SEC14L1: variants seen among roughly 807,000 people sequenced by gnomAD.
The protein encoded by SEC14L1 is SEC14-like protein 1.
In SEC14L1, 48 loss-of-function variants were observed where a neutral mutation model predicts 85.3. The ratio of observed to expected loss-of-function variants is 0.56; its 90% confidence interval spans 0.45 to 0.72. SEC14L1 has a LOEUF of 0.72. Among genes scored for constraint, SEC14L1 ranks in the 30% least tolerant of loss-of-function variants. The pLI is 0.00. For missense variants in SEC14L1, 682 were observed against 921.4 expected (o/e 0.74, Z 3.36); for synonymous variants, 391 against 355.5 (o/e 1.10, Z -1.12).
intron 3 of SEC14L1, among the ~76,000 whole-genome samples, chr17:77,181,412 A>G (rs147025111): frequency 7.2e-5 from 11 of 152,256 alleles, no homozygotes; most frequent in African/African-American, 2.6e-4. Context: ...ATATAGTTAT[A>G]CATTTGTTTT....
chr17:77,153,269 G>C (rs982386937), intron 3 of SEC14L1, among the ~76,000 whole-genome samples: 2 of 152,162 alleles, frequency 1.3e-5, no homozygotes, highest in African/African-American at 4.8e-5. Context: ...GTTTCACCAC[G>C]TTGGCCAGGC....
At chr17:77,166,022 C>T (rs575696825) in intron 3 of SEC14L1, among the ~76,000 whole-genome samples, 7 of 152,352 alleles carry the variant, frequency 4.6e-5, no homozygotes, top group South Asian at 2.1e-4. Context: ...GGCCTGACAG[C>T]GGCTTTACTT....
intron 3 of SEC14L1, among the ~76,000 whole-genome samples, chr17:77,165,476 A>T (rs578079277): frequency 6.6e-6 from 1 of 152,260 alleles, no homozygotes; most frequent in East Asian, 1.9e-4. Context: ...CAGGTGGGTG[A>T]GAGAGGCAGC....
At chr17:77,099,618 G>A (rs1242191476) in intron 3 of SEC14L1, among the ~76,000 whole-genome samples, 1 of 152,156 alleles carries the variant, frequency 6.6e-6, no homozygotes, top group African/African-American at 2.4e-5. Flanking sequence ...TTACCCGGGT[G>A]TGGTGGCACA....
At position 77,184,134 on chromosome 17, in the gene SEC14L1, C is replaced by T. The variant is rs538544960; in HGVS notation, c.64-6669C>T. On this transcript the variant is annotated intron_variant, in intron 3 of 16. Coordinates refer to ENST00000436233, the MANE Select transcript of SEC14L1 (RefSeq NM_001143998.2). ...GGTCAGCCATCTTTGTCCTGAGGGC[C>T]GCAGAAGCCTGTGGTGTTTGTGTCT... 3.3e-5 allele frequency among the ~76,000 whole-genome samples: 5 copies of T among 152,084 alleles called. No individual in the cohort carries two copies. In the East Asian group the frequency reaches 5.8e-4, roughly 18 times the overall value.
intron 3 of SEC14L1, among the ~76,000 whole-genome samples, chr17:77,177,506 T>G (rs2143718860): frequency 6.6e-6 from 1 of 151,894 alleles, no homozygotes; most frequent in Non-Finnish European, 1.5e-5. Context: ...GAAGAATACA[T>G]TAAAAGTACT....
chr17:77,117,481 A>G (rs1972200568), intron 3 of SEC14L1, among the ~76,000 whole-genome samples: 1 of 152,254 alleles, frequency 6.6e-6, no homozygotes, highest in Non-Finnish European at 1.5e-5. Context: ...ATAATAAGCT[A>G]TTCTCACAGG....
chr17:77,178,978 C>A (rs569262131), intron 3 of SEC14L1, among the ~76,000 whole-genome samples: 14 of 152,296 alleles, frequency 9.2e-5, no homozygotes, highest in African/African-American at 3.4e-4. Flanking sequence ...GGCACGGATA[C>A]CTTGAAGAGC....
chr17:77,214,361 C>T lies in SEC14L1; in HGVS notation c.*338C>T, dbSNP rs1053106316. The T allele has an allele frequency of 5.1e-5, 54 of 1,066,408 alleles. No individual in the cohort carries two copies. Among genetic ancestry groups the T allele is most frequent in the Non-Finnish European group, 6.0e-5 (53 of 879,052 alleles). The allele number at this position is 1,066,408 out of a possible 1,614,324, so 66.1% of individuals were successfully genotyped here. A position where few individuals can be genotyped will look rare whatever the true frequency, so the allele number is the denominator to read the frequency against. ...TGATGCAAAAAATTTTTCCAACGAA[C>T]TCCGCATTGTCCATTAGTGAATGAA... On this transcript the variant is annotated 3_prime_UTR_variant, in exon 17 of 17. Coordinates refer to ENST00000436233, the MANE Select transcript of SEC14L1 (RefSeq NM_001143998.2).
intron 3 of SEC14L1, among the ~76,000 whole-genome samples, chr17:77,104,840 G>A (rs4788977): frequency 0.22 from 32,845 of 149,968 alleles, 3,776 homozygotes; most frequent in South Asian, 0.41. Flanking sequence ...GTGTGTCAAG[G>A]TTGAGGACAC....
intron 3 of SEC14L1, among the ~76,000 whole-genome samples, chr17:77,178,852 T>C (rs760447476): frequency 1.3e-5 from 2 of 152,182 alleles, no homozygotes; most frequent in Non-Finnish European, 1.5e-5. Flanking sequence ...CTGGGGACTC[T>C]CTGTGTGTTA....
chr17:77,142,304 G>T (rs1046673510), intron 1 of SEC14L1, among the ~76,000 whole-genome samples: 2 of 152,096 alleles, frequency 1.3e-5, no homozygotes, highest in Non-Finnish European at 2.9e-5. Flanking sequence ...ACCAGGCGCC[G>T]TGACTCATGA....
intron 7 of SEC14L1, 160 bp downstream of exon 7, chr17:77,195,071 G>T (rs1975737935): frequency 5.0e-6 from 3 of 596,650 alleles, no homozygotes; most frequent in Non-Finnish European, 8.9e-6. Flanking sequence ...TCTCGCTTAT[G>T]TAATACATTC....
At chr17:77,169,758 A>G (rs1490023793) in intron 3 of SEC14L1, among the ~76,000 whole-genome samples, 1 of 152,116 alleles carries the variant, frequency 6.6e-6, no homozygotes, top group Non-Finnish European at 1.5e-5. Flanking sequence ...CTTTCCAGGA[A>G]TATTAGCTCC....
intron 3 of SEC14L1, chr17:77,129,972 T>G (rs956047369): frequency 2.0e-5 from 3 of 152,078 alleles, no homozygotes; most frequent in African/African-American, 7.2e-5. Flanking sequence ...GCTGCATCAG[T>G]CGGTGAAGTG....
At chr17:77,179,101 G>A (rs1223726299) in intron 3 of SEC14L1, among the ~76,000 whole-genome samples, 2 of 152,160 alleles carry the variant, frequency 1.3e-5, no homozygotes, top group South Asian at 2.1e-4. Flanking sequence ...CAAAGGAGTG[G>A]GTGTACGAAT....
chr17:77,104,947 C>A (rs1971874537), intron 3 of SEC14L1, among the ~76,000 whole-genome samples: 1 of 151,808 alleles, frequency 6.6e-6, no homozygotes, highest in South Asian at 2.1e-4. Context: ...CAGGAGACAT[C>A]AATCAATATA....
chr17:77,091,397 G>A (rs531741271), intron 2 of SEC14L1, among the ~76,000 whole-genome samples: 14 of 152,122 alleles, frequency 9.2e-5, no homozygotes, highest in African/African-American at 2.9e-4. Context: ...CCCTTTATGG[G>A]TTTTATGTAA....
At chr17:77,170,822 G>A (rs960429358) in intron 3 of SEC14L1, among the ~76,000 whole-genome samples, 5 of 152,196 alleles carry the variant, frequency 3.3e-5, no homozygotes, top group East Asian at 1.9e-4. Context: ...TAGTGCTTGA[G>A]TGAGCCCTTT....
Sources: gnomAD v4.1 joint callset for allele counts (sites outside exome capture counted in the v4.1 genomes callset) on GRCh38, gnomAD v4.1.1 for gene constraint, MANE v1.5 for transcripts, NCBI Gene and HGNC (gene_info 2026-07-23, HGNC 2026-07-21) for gene names.